Variants in GRM5 observed in about 807,000 individuals in gnomAD.
The protein encoded by GRM5 is metabotropic glutamate receptor 5.
GRM5 carries 19 observed loss-of-function variants against 83.1 expected under a neutral mutation model. That is an observed-to-expected ratio of 0.23 (90% CI 0.16 to 0.34). GRM5 has a LOEUF of 0.34. Ranked by LOEUF, GRM5 falls within the 10% of genes least tolerant of loss-of-function variation. GRM5 has a pLI of 1.00. For synonymous variants in GRM5, 675 were observed against 633.6 expected (o/e 1.07, Z -0.98); for missense variants, 1,160 against 1,588.3 (o/e 0.73, Z 4.58).
chr11:88,726,056 T>G (rs897748407), intron 3 of GRM5, among the ~76,000 whole-genome samples: 1 of 152,022 alleles, frequency 6.6e-6, no homozygotes, highest in African/African-American at 2.4e-5. Context: ...CTGACAGAAG[T>G]AGGCTTCAGA....
chr11:88,777,305 C>T (rs1483451524), intron 3 of GRM5, among the ~76,000 whole-genome samples: 2 of 152,150 alleles, frequency 1.3e-5, no homozygotes, highest in African/African-American at 4.8e-5. Context: ...TTAAGGTCTT[C>T]TCTATGCTGT....
intron 2 of GRM5, among the ~76,000 whole-genome samples, chr11:88,942,542 C>T (rs1416799045): frequency 6.6e-6 from 1 of 151,982 alleles, no homozygotes; most frequent in Non-Finnish European, 1.5e-5. Flanking sequence ...AGTTTCTAGT[C>T]TGATGGCCCT....
At chr11:88,578,166 A>G (rs568325140) in intron 7 of GRM5, among the ~76,000 whole-genome samples, 1 of 152,218 alleles carries the variant, frequency 6.6e-6, no homozygotes, top group East Asian at 1.9e-4. Flanking sequence ...ATTGTCTGTA[A>G]GTACAAGACA....
At chr11:88,536,239 G>C (rs957088054) in intron 8 of GRM5, among the ~76,000 whole-genome samples, 18 of 151,914 alleles carry the variant, frequency 1.2e-4, no homozygotes, top group Non-Finnish European at 2.9e-5. Context: ...AAAATTGTTT[G>C]CAATTATCTT....
intron 4 of GRM5, among the ~76,000 whole-genome samples, chr11:88,612,188 A>C (rs1423713236): frequency 6.9e-6 from 1 of 144,344 alleles, no homozygotes; most frequent in Non-Finnish European, 1.5e-5. Flanking sequence ...TCTTTGTTCA[A>C]TTCCCACCTA....
At chr11:88,945,432 C>A (rs1938250094) in intron 2 of GRM5, among the ~76,000 whole-genome samples, 1 of 151,836 alleles carries the variant, frequency 6.6e-6, no homozygotes. Context: ...GCCTGAATAC[C>A]CAAAGCAACT....
intron 2 of GRM5, chr11:89,009,209 A>T: frequency 8.3e-6 from 5 of 600,220 alleles, no homozygotes; most frequent in Non-Finnish European, 1.5e-5. Context: ...AAGTTGACAT[A>T]TTAGCATACC....
intron 4 of GRM5, among the ~76,000 whole-genome samples, chr11:88,624,095 G>T (rs2135261068): frequency 6.6e-6 from 1 of 152,206 alleles, no homozygotes; most frequent in East Asian, 1.9e-4. Context: ...AGTGTTTGAT[G>T]GGCTTGTATG....
Position 88,941,991 on chromosome 11 carries a change from G to T in GRM5, c.662-91836C>A, listed in dbSNP as rs568699401. 2.0e-5 allele frequency among the ~76,000 whole-genome samples: 3 copies of T among 152,058 alleles called. No individual in the cohort carries two copies. The South Asian group carries it at 6.2e-4, about 31-fold the overall frequency. On this transcript the variant is annotated intron_variant, in intron 2 of 9. Transcript: ENST00000305447. ...GAGGAAGACAGTTGCTTCATGAAGG[G>T]TGACTAGGAAGAAATAATGCAAATA... is the stretch of plus-strand genomic sequence containing the variant.
intron 3 of GRM5, among the ~76,000 whole-genome samples, chr11:88,772,220 G>C (rs901375732): frequency 1.3e-5 from 2 of 151,690 alleles, no homozygotes; most frequent in African/African-American, 4.8e-5. Context: ...TATGTGATTG[G>C]TAAAAACAAA....
chr11:88,777,626 T>C (rs182438986), intron 3 of GRM5, among the ~76,000 whole-genome samples: 3 of 152,274 alleles, frequency 2.0e-5, no homozygotes, highest in African/African-American at 7.2e-5. Context: ...TTGGTGTAGA[T>C]TACCTTTTTG....
At chr11:88,717,662 A>AATAAT (rs1212369315) in intron 3 of GRM5, among the ~76,000 whole-genome samples, 1 of 151,828 alleles carries the variant, frequency 6.6e-6, no homozygotes, top group Non-Finnish European at 1.5e-5. Flanking sequence ...TATGTTTCTG[A>AATAAT]ATAATATTTA....
intron 3 of GRM5, among the ~76,000 whole-genome samples, chr11:88,728,490 T>C (rs1396232662): frequency 1.3e-5 from 2 of 151,950 alleles, no homozygotes; most frequent in South Asian, 2.1e-4. Context: ...TTCCAAACAA[T>C]AGAAAAAGAG....
chr11:88,792,654 C>T (rs1943198037), intron 3 of GRM5, among the ~76,000 whole-genome samples: 1 of 152,052 alleles, frequency 6.6e-6, no homozygotes, highest in African/African-American at 2.4e-5. Context: ...ACAACTCAAT[C>T]AATATTTAGT....
intron 4 of GRM5, among the ~76,000 whole-genome samples, chr11:88,644,303 C>T (rs1372457255): frequency 1.3e-5 from 2 of 152,082 alleles, no homozygotes; most frequent in Admixed American, 1.3e-4. Flanking sequence ...TTGGGGACTG[C>T]GGTCCTAGGT....
intron 2 of GRM5, among the ~76,000 whole-genome samples, chr11:89,035,421 G>A (rs1158311500): frequency 6.6e-6 from 1 of 151,714 alleles, no homozygotes; most frequent in Non-Finnish European, 1.5e-5. Flanking sequence ...GGAAAGTCAA[G>A]GATTGAAATC....
intron 2 of GRM5, among the ~76,000 whole-genome samples, chr11:88,941,600 G>T: frequency 7.4e-6 from 1 of 135,160 alleles, no homozygotes; most frequent in Admixed American, 7.6e-5. Flanking sequence ...GGGAGGGGAG[G>T]GAAAGCGGGA....
intron 3 of GRM5, among the ~76,000 whole-genome samples, chr11:88,731,429 T>C (rs1941805581): frequency 2.0e-5 from 3 of 152,204 alleles, no homozygotes; most frequent in African/African-American, 7.2e-5. Context: ...GAAGCCTTCT[T>C]TGAACACCAG....
chr11:88,750,378 A>G (rs1942243294), intron 3 of GRM5, among the ~76,000 whole-genome samples: 1 of 152,204 alleles, frequency 6.6e-6, no homozygotes, highest in African/African-American at 2.4e-5. Flanking sequence ...CAATTCAACA[A>G]GAAGAGCTAA....
Sources: allele counts gnomAD v4.1 joint callset (sites outside exome capture counted in the v4.1 genomes callset), GRCh38; gene constraint gnomAD v4.1.1; transcripts MANE v1.5; gene names NCBI Gene and HGNC (gene_info 2026-07-23, HGNC 2026-07-21).